CEP128: variants seen among roughly 807,000 people sequenced by gnomAD.
CEP128 encodes centrosomal protein 128, also known as centrosomal protein 128kDa.
CEP128 carries 132 observed loss-of-function variants against 156.7 expected under a neutral mutation model. That is an observed-to-expected ratio of 0.84 (90% CI 0.73 to 0.97). The LOEUF (loss-of-function observed/expected upper bound fraction) is 0.97, where lower values mean the gene tolerates loss of function less well. Among genes scored for constraint, CEP128 ranks in the 50% least tolerant of loss-of-function variants. The pLI, the probability that CEP128 is intolerant of heterozygous loss-of-function variation, is 0.00. For missense variants in CEP128, 1,252 were observed against 1,281.9 expected (o/e 0.98, Z 0.36); for synonymous variants, 469 against 448.9 (o/e 1.04, Z -0.57).
intron 21 of CEP128, 40 bp downstream of exon 21, chr14:80,559,239 G>C: frequency 6.4e-7 from 1 of 1,570,928 alleles, no homozygotes. Context: ...GGAGACAGCA[G>C]TAATTCTGAT....
intron 8 of CEP128, among the ~76,000 whole-genome samples, chr14:80,871,110 G>GA (rs527979653): frequency 1.2e-3 from 178 of 151,146 alleles, no homozygotes; most frequent in African/African-American, 4.0e-3. Context: ...ATAGCCAGTG[G>GA]AAAAAAAAAT....
chr14:80,705,412 T>C (rs1048459207), intron 19 of CEP128, among the ~76,000 whole-genome samples: 1 of 152,140 alleles, frequency 6.6e-6, no homozygotes, highest in African/African-American at 2.4e-5. Flanking sequence ...GCTTTGGTCA[T>C]ATACAGGTTC....
chr14:80,785,682 C>T (rs1208037789), intron 14 of CEP128, 137 bp from the exon 15 acceptor site: 1 of 656,574 alleles, frequency 1.5e-6, no homozygotes, highest in Admixed American at 3.5e-5. Context: ...TGTATTTTTC[C>T]CATTTTTTAA....
At chr14:80,935,360 G>A (rs1885722397) in intron 2 of CEP128, among the ~76,000 whole-genome samples, 1 of 151,928 alleles carries the variant, frequency 6.6e-6, no homozygotes, top group Admixed American at 6.6e-5. Flanking sequence ...AGACCAGCCT[G>A]GCCAGCATGG....
At chr14:80,692,834 T>C (rs1896763691) in intron 19 of CEP128, among the ~76,000 whole-genome samples, 1 of 152,208 alleles carries the variant, frequency 6.6e-6, no homozygotes, top group Admixed American at 6.5e-5. Flanking sequence ...TAGAGAAAGT[T>C]TGTTCATGTG....
Position 80,743,079 on chromosome 14 carries a change from C to T in CEP128, c.2802G>A (p.Lys934=). 3.1e-6 allele frequency: 5 copies of T among 1,613,058 alleles called. No homozygotes were observed. Among genetic ancestry groups the T allele is most frequent in the Non-Finnish European group, 4.2e-6 (5 of 1,179,394 alleles). ...EQLLDEIHRE[K]RDLLEETQRK... The stretch of plus-strand genomic sequence containing the variant: ...GAAAGAACAACTAACACACACCTCT[C>T]TTCTCACGATGTATTTCATCCAGAA... The change falls in exon 19 of 25, where the codon AAG becomes AAA. Residue 934 remains lysine, a synonymous_variant. Coordinates refer to ENST00000555265, the MANE Select transcript of CEP128 (RefSeq NM_152446.5).
chr14:80,657,280 G>A (rs1458675733), intron 19 of CEP128, among the ~76,000 whole-genome samples: 3 of 151,130 alleles, frequency 2.0e-5, no homozygotes, highest in African/African-American at 7.3e-5. Flanking sequence ...TAAAAAAAAT[G>A]GTGGCTTGTC....
downstream of CEP128, among the ~76,000 whole-genome samples, chr14:80,489,188 G>A (rs1328145040): frequency 6.7e-6 from 1 of 149,332 alleles, no homozygotes. Context: ...CAAAACAAGA[G>A]GGAAAGAATA....
At chr14:80,592,393 G>C (rs1321987874) in intron 19 of CEP128, among the ~76,000 whole-genome samples, 1 of 152,120 alleles carries the variant, frequency 6.6e-6, no homozygotes, top group Non-Finnish European at 1.5e-5. Flanking sequence ...AAATAAACTA[G>C]AAAATCTACA....
At chr14:80,731,977 G>T (rs1039928948) in intron 19 of CEP128, among the ~76,000 whole-genome samples, 26 of 152,066 alleles carry the variant, frequency 1.7e-4, no homozygotes, top group Admixed American at 7.2e-4. Context: ...AATTATAGGG[G>T]AGTGTAGCTT....
At chr14:80,621,020 C>T (rs1893456586) in intron 19 of CEP128, among the ~76,000 whole-genome samples, 1 of 152,056 alleles carries the variant, frequency 6.6e-6, no homozygotes, top group Non-Finnish European at 1.5e-5. Flanking sequence ...ACATCTAAAG[C>T]CTGAGGGAAA....
intron 8 of CEP128, among the ~76,000 whole-genome samples, chr14:80,884,287 A>G (rs1188244349): frequency 1.3e-5 from 2 of 152,240 alleles, no homozygotes; most frequent in African/African-American, 4.8e-5. Context: ...CAAAATGAAG[A>G]GACGACCCAG....
intron 9 of CEP128, among the ~76,000 whole-genome samples, chr14:80,841,666 T>G (rs1886354248): frequency 6.6e-6 from 1 of 152,008 alleles, no homozygotes; most frequent in East Asian, 1.9e-4. Flanking sequence ...CCCATTTTAT[T>G]AAAGGGGAAA....
At chr14:80,825,275 T>G (rs1461721214) in intron 13 of CEP128, among the ~76,000 whole-genome samples, 4 of 152,188 alleles carry the variant, frequency 2.6e-5, no homozygotes, top group African/African-American at 9.7e-5. Context: ...ACCCAGCTAT[T>G]TTTTGTACTT....
intron 19 of CEP128, among the ~76,000 whole-genome samples, chr14:80,722,400 A>T (rs1156530648): frequency 6.6e-6 from 1 of 152,148 alleles, no homozygotes; most frequent in Non-Finnish European, 1.5e-5. Context: ...CTAAAAATGC[A>T]ATCAACATAA....
At position 80,881,043 on chromosome 14, in the gene CEP128, C is replaced by G. The variant is rs944485600; in HGVS notation, c.645+14675G>C. 2.9e-4 allele frequency among the ~76,000 whole-genome samples: 41 copies of G among 140,332 alleles called. 1 individual carries two copies. The highest frequency in any genetic ancestry group is 1.4e-4 in the Non-Finnish European group (9 of 64,112). 92.1% of individuals were successfully genotyped at this position (140,332 alleles called of 152,430 possible). On this transcript the variant is annotated intron_variant, in intron 8 of 24. Transcript: ENST00000555265. ...AAAAAAAACTGAAGCAAGAATAAACCAAACCCAAAATGAGTAGAAAAAATA... is the reference window on the plus strand; with the variant it reads ...AAAAAAAACTGAAGCAAGAATAAACGAAACCCAAAATGAGTAGAAAAAATA...
At chr14:80,754,734 A>T (rs1020878325) in intron 18 of CEP128, among the ~76,000 whole-genome samples, 2 of 152,144 alleles carry the variant, frequency 1.3e-5, no homozygotes, top group African/African-American at 4.8e-5. Context: ...AAGTGCCGGA[A>T]TTACAGGCGT....
intron 19 of CEP128, among the ~76,000 whole-genome samples, chr14:80,586,684 G>C (rs1021863841): frequency 1.3e-5 from 2 of 152,124 alleles, no homozygotes; most frequent in Non-Finnish European, 2.9e-5. Context: ...CTCAGTTTTG[G>C]GAGATGACGT....
chr14:80,687,444 C>T (rs1896565328), intron 19 of CEP128, among the ~76,000 whole-genome samples: 1 of 152,042 alleles, frequency 6.6e-6, no homozygotes, highest in African/African-American at 2.4e-5. Context: ...AACATGGAAG[C>T]AGCTAAAGGC....
Sources: gnomAD v4.1 joint callset for allele counts (sites outside exome capture counted in the v4.1 genomes callset) on GRCh38, gnomAD v4.1.1 for gene constraint, MANE v1.5 for transcripts, NCBI Gene and HGNC (gene_info 2026-07-23, HGNC 2026-07-21) for gene names.